ADAMTSL1: variants seen among roughly 807,000 people sequenced by gnomAD.
ADAMTSL1 encodes ADAMTS-like protein 1.
In ADAMTSL1, 126 loss-of-function variants were observed where a neutral mutation model predicts 201.8. The ratio of observed to expected loss-of-function variants is 0.62; its 90% confidence interval spans 0.54 to 0.72. The LOEUF (loss-of-function observed/expected upper bound fraction) is 0.72, where lower values mean the gene tolerates loss of function less well. ADAMTSL1 is among the 30% of genes least tolerant of loss of function. ADAMTSL1 has a pLI of 0.00. For synonymous variants in ADAMTSL1, 1,121 were observed against 903.4 expected (o/e 1.24, Z -4.32); for missense variants, 2,679 against 2,277.8 (o/e 1.18, Z -3.59).
rs147531034 is a variant in ADAMTSL1, at chr9:18,255,373, G to A, written c.207+91392G>A. The stretch of plus-strand genomic sequence containing the variant: ...ATACTTAGAAAAAAAAAAAGAATGA[G>A]GCTTTGATAGTAAAAACAGACGAAA... On this transcript the variant is annotated intron_variant, in intron 2 of 29. Transcript: ENST00000680146. Among the ~76,000 whole-genome samples the A allele has an allele frequency of 1.6e-4, 24 of 152,086 alleles. No individual in the cohort carries two copies. In the East Asian group the frequency reaches 4.6e-3, roughly 29 times the overall value.
chr9:18,722,336 C>G (rs1470106453), intron 15 of ADAMTSL1, among the ~76,000 whole-genome samples: 1 of 152,140 alleles, frequency 6.6e-6, no homozygotes, highest in Admixed American at 6.5e-5. Flanking sequence ...CAAATCTCAT[C>G]TATGGGTTTG....
chr9:18,520,426 T>G (rs934026037), intron 2 of ADAMTSL1, among the ~76,000 whole-genome samples: 2 of 152,242 alleles, frequency 1.3e-5, no homozygotes, highest in Non-Finnish European at 2.9e-5. Flanking sequence ...CAGATTAGGA[T>G]AGAGCAGAAG....
intron 2 of ADAMTSL1, among the ~76,000 whole-genome samples, chr9:18,442,974 C>T (rs963187133): frequency 6.6e-6 from 1 of 152,188 alleles, no homozygotes; most frequent in African/African-American, 2.4e-5. Flanking sequence ...CCTTCCATGC[C>T]AGCCCCTCCC....
At chr9:18,649,406 T>C (rs1325510723) in intron 7 of ADAMTSL1, among the ~76,000 whole-genome samples, 1 of 152,224 alleles carries the variant, frequency 6.6e-6, no homozygotes, top group Non-Finnish European at 1.5e-5. Flanking sequence ...TCATTCTCTG[T>C]CCAGCTTTGT....
chr9:18,001,465 G>C (rs924187409), intron 1 of ADAMTSL1, among the ~76,000 whole-genome samples: 1 of 151,964 alleles, frequency 6.6e-6, no homozygotes, highest in Non-Finnish European at 1.5e-5. Flanking sequence ...ATGTAGAATA[G>C]GTCATTTTAG....
chr9:18,765,003 G>A (rs1232258986), intron 16 of ADAMTSL1, among the ~76,000 whole-genome samples: 1 of 152,060 alleles, frequency 6.6e-6, no homozygotes, highest in Non-Finnish European at 1.5e-5. Context: ...CTTGAAATAA[G>A]ACAACTTATG....
At chr9:18,552,375 A>C (rs930865253) in intron 3 of ADAMTSL1, among the ~76,000 whole-genome samples, 1 of 151,794 alleles carries the variant, frequency 6.6e-6, no homozygotes, top group Non-Finnish European at 1.5e-5. Context: ...TTCTAAATAC[A>C]TGGGGCATTT....
intron 1 of ADAMTSL1, among the ~76,000 whole-genome samples, chr9:17,930,154 C>T (rs1162722027): frequency 6.6e-6 from 1 of 152,110 alleles, no homozygotes; most frequent in Admixed American, 6.6e-5. Context: ...ATTTCTCGGT[C>T]ACATAAAGTC....
intron 2 of ADAMTSL1, among the ~76,000 whole-genome samples, chr9:18,356,575 A>G (rs1294566144): frequency 6.9e-6 from 1 of 144,390 alleles, no homozygotes; most frequent in Non-Finnish European, 1.5e-5. Context: ...AGCCTAAAAA[A>G]TTTTATGCAG....
At chr9:18,224,326 G>C (rs1387708594) in intron 2 of ADAMTSL1, among the ~76,000 whole-genome samples, 1 of 152,132 alleles carries the variant, frequency 6.6e-6, no homozygotes, top group Admixed American at 6.6e-5. Context: ...GGAGGGGAGT[G>C]CTGTGTCCTC....
chr9:17,973,025 T>C lies in ADAMTSL1; in HGVS notation c.87+66103T>C, dbSNP rs573804506. 1.1e-3 allele frequency among the ~76,000 whole-genome samples: 164 copies of C among 145,352 alleles called. 1 individual carries two copies. Among genetic ancestry groups the C allele is most frequent in the African/African-American group, 3.6e-3 (142 of 39,606 alleles). On this transcript the variant is annotated intron_variant, in intron 1 of 29. Transcript: ENST00000680146. ...TTGATGGGGTTGTTTGTTTTTTTCT[T>C]GTAAATTTGTTTGAGTTCATTGTAG...
intron 13 of ADAMTSL1, among the ~76,000 whole-genome samples, chr9:18,687,698 C>A (rs1171113864): frequency 6.6e-6 from 1 of 152,164 alleles, no homozygotes; most frequent in Non-Finnish European, 1.5e-5. Flanking sequence ...TTTTAGTAAA[C>A]CCAAAATGTA....
chr9:18,158,790 T>G (rs1827264804), intron 1 of ADAMTSL1, among the ~76,000 whole-genome samples: 1 of 152,054 alleles, frequency 6.6e-6, no homozygotes, highest in Non-Finnish European at 1.5e-5. Flanking sequence ...AAGTTAATTA[T>G]ACTTTCACAC....
intron 2 of ADAMTSL1, among the ~76,000 whole-genome samples, chr9:18,173,979 A>C (rs1421351262): frequency 6.6e-6 from 1 of 152,182 alleles, no homozygotes; most frequent in Non-Finnish European, 1.5e-5. Context: ...AATGTTAAAC[A>C]AACTAGAACA....
intron 2 of ADAMTSL1, among the ~76,000 whole-genome samples, chr9:18,271,625 G>T (rs191629512): frequency 3.9e-5 from 6 of 152,064 alleles, no homozygotes; most frequent in Non-Finnish European, 7.4e-5. Flanking sequence ...GAATAGTGCC[G>T]CAATAAACAT....
intron 25 of ADAMTSL1, chr9:18,890,802 C>A: frequency 2.9e-6 from 1 of 342,710 alleles, no homozygotes; most frequent in South Asian, 2.2e-5. Context: ...GCCTGACATT[C>A]ACCAGGGATA....
At chr9:18,439,205 A>G (rs1272448529) in intron 2 of ADAMTSL1, among the ~76,000 whole-genome samples, 1 of 151,360 alleles carries the variant, frequency 6.6e-6, no homozygotes, top group Non-Finnish European at 1.5e-5. Context: ...GAAACAAATC[A>G]CCCCCGGTTC....
chr9:18,501,304 A>T (rs1219182648), intron 1 of ADAMTSL1, among the ~76,000 whole-genome samples: 1 of 152,124 alleles, frequency 6.6e-6, no homozygotes, highest in Non-Finnish European at 1.5e-5. Context: ...CGAGCTCAGG[A>T]GTTCAAGACC....
chr9:18,346,396 G>C (rs906991154), intron 2 of ADAMTSL1, among the ~76,000 whole-genome samples: 8 of 152,146 alleles, frequency 5.3e-5, no homozygotes, highest in African/African-American at 1.9e-4. Flanking sequence ...AGCTTTTGGA[G>C]CTGGGCAGTC....
Sources: allele counts gnomAD v4.1 joint callset (sites outside exome capture counted in the v4.1 genomes callset), GRCh38; gene constraint gnomAD v4.1.1; transcripts MANE v1.5; gene names NCBI Gene and HGNC (gene_info 2026-07-23, HGNC 2026-07-21).